Variants in DNAAF4 observed in about 807,000 individuals in gnomAD.
The protein encoded by DNAAF4 is dynein assembly factor 4, axonemal.
A neutral mutation model predicts 51.8 loss-of-function variants in DNAAF4; 43 were observed. The observed-to-expected ratio is 0.83, with a 90% CI of 0.65 to 1.07. The LOEUF (loss-of-function observed/expected upper bound fraction) is 1.07. DNAAF4 is among the 50% of genes least tolerant of loss of function. DNAAF4 has a pLI of 0.00. For synonymous variants in DNAAF4, 194 were observed against 165.6 expected (o/e 1.17, Z -1.32); for missense variants, 581 against 493.0 (o/e 1.18, Z -1.69).
At chr15:55,418,419 T>C in intron 7 of DNAAF4, 2 of 1,528,068 alleles carry the variant, frequency 1.3e-6, no homozygotes, top group Non-Finnish European at 1.8e-6. Context: ...TTTCTACCTA[T>C]TCCACAGTTT....
intron 7 of DNAAF4, among the ~76,000 whole-genome samples, chr15:55,423,291 TCGA>T (rs1435902861): frequency 6.6e-6 from 1 of 151,764 alleles, no homozygotes; most frequent in African/African-American, 2.4e-5. Flanking sequence ...AACCTCAACC[TCGA>T]CTTCCCCGGC....
chr15:55,457,092 G>A (rs1191615713), intron 5 of DNAAF4, among the ~76,000 whole-genome samples: 1 of 152,224 alleles, frequency 6.6e-6, no homozygotes, highest in Non-Finnish European at 1.5e-5. Flanking sequence ...CCAATAGTGT[G>A]GGCAGGCAGG....
chr15:55,420,616 A>T lies in DNAAF4; in HGVS notation c.1048-2483T>A, dbSNP rs6493786. ...AAATACCCCCCCAAAACTGATATTTAGTAATGGCACAAGCAAGAAGAAAAA... is the reference window on the plus strand; with the variant it reads ...AAATACCCCCCCAAAACTGATATTTTGTAATGGCACAAGCAAGAAGAAAAA... On this transcript the variant is annotated intron_variant, in intron 7 of 7. Transcript: ENST00000448430. Among the ~76,000 whole-genome samples the T allele has an allele frequency of 3.3e-5, 5 of 152,256 alleles. No individual in the cohort carries two copies. In the South Asian group the frequency reaches 8.3e-4, roughly 25 times the overall value.
chr15:55,490,980 T>C, intron 4 of DNAAF4, 143 bp downstream of exon 4: 1 of 893,468 alleles, frequency 1.1e-6, no homozygotes, highest in Admixed American at 2.7e-5. Flanking sequence ...CACATATAAA[T>C]AGCAGACAGT....
intron 7 of DNAAF4, among the ~76,000 whole-genome samples, chr15:55,438,934 GTAA>G (rs1245516273): frequency 6.6e-6 from 1 of 152,060 alleles, no homozygotes; most frequent in Non-Finnish European, 1.5e-5. Flanking sequence ...TCCAAAAGAT[GTAA>G]TTTTTTTCAT....
At chr15:55,455,312 T>C (rs2058001879) in intron 5 of DNAAF4, among the ~76,000 whole-genome samples, 1 of 147,616 alleles carries the variant, frequency 6.8e-6, no homozygotes, top group South Asian at 2.1e-4. Flanking sequence ...AAGAACAGTA[T>C]GAGGAAAGAA....
intron 1 of DNAAF4, among the ~76,000 whole-genome samples, 182 bp from the exon 2 acceptor site, chr15:55,498,766 G>C (rs888227914): frequency 6.6e-6 from 1 of 151,642 alleles, no homozygotes; most frequent in East Asian, 1.9e-4. Flanking sequence ...TTAGCCGGGC[G>C]TGGTGGTGCA....
In DNAAF4 at chr15:55,466,964, A is replaced by G; in HGVS notation, c.603T>C (p.Thr201=). 1.9e-6 allele frequency: 3 copies of G among 1,584,004 alleles called. No individual in the cohort carries two copies. Among genetic ancestry groups the G allele is most frequent in the South Asian group, 2.4e-5 (2 of 83,748 alleles). ...CAAGATTTCTAGATGCCAAATTTCTAGTAAGACTCTTATATTTTATTTTTT... is the reference window on the plus strand; with the variant it reads ...CAAGATTTCTAGATGCCAAATTTCTGGTAAGACTCTTATATTTTATTTTTT... The part of the protein sequence containing the change: ...ERKKIKYKSL[T]RNLASRNLAP... The change falls in exon 5 of 10, where the codon ACT becomes ACC. Residue 201 remains threonine (T), a synonymous_variant. Coordinates refer to ENST00000321149, the MANE Select transcript of DNAAF4 (RefSeq NM_130810.4).
chr15:55,455,557 G>A (rs2058007701), intron 5 of DNAAF4, among the ~76,000 whole-genome samples: 1 of 151,734 alleles, frequency 6.6e-6, no homozygotes, highest in Admixed American at 6.6e-5. Context: ...TCAGCCTCCT[G>A]AGTAACTGGG....
intron 4 of DNAAF4, among the ~76,000 whole-genome samples, chr15:55,481,048 C>A (rs1162580137): frequency 6.6e-6 from 1 of 152,136 alleles, no homozygotes; most frequent in African/African-American, 2.4e-5. Context: ...TCTCCTGCCA[C>A]CCTGTTAAGA....
At chr15:55,497,957 C>G in intron 2 of DNAAF4, 98 bp from the exon 3 acceptor site, 20 of 1,475,414 alleles carry the variant, frequency 1.4e-5, no homozygotes, top group Non-Finnish European at 1.8e-5. Context: ...TTCTAAAAGG[C>G]CCACTAAATT....
intron 4 of DNAAF4, among the ~76,000 whole-genome samples, chr15:55,484,051 C>G (rs2058451389): frequency 6.6e-6 from 1 of 151,866 alleles, no homozygotes; most frequent in Non-Finnish European, 1.5e-5. Context: ...TACCACTTCA[C>G]ACCCATTAGG....
At chr15:55,453,323 A>G (rs1429164391) in intron 5 of DNAAF4, among the ~76,000 whole-genome samples, 1 of 152,152 alleles carries the variant, frequency 6.6e-6, no homozygotes, top group African/African-American at 2.4e-5. Flanking sequence ...GTGGTCAGGC[A>G]AAAAAGCACA....
chr15:55,442,996 C>T (rs2057738542), intron 6 of DNAAF4: 2 of 1,611,458 alleles, frequency 1.2e-6, no homozygotes, highest in Admixed American at 1.7e-5. Context: ...GTATTCAAAG[C>T]CCAGGCCATC....
intron 6 of DNAAF4, among the ~76,000 whole-genome samples, chr15:55,440,928 A>T (rs2057701179): frequency 6.6e-6 from 1 of 151,670 alleles, no homozygotes; most frequent in African/African-American, 2.4e-5. Context: ...TGATTCACCC[A>T]CCTTGGCCTC....
Position 55,465,564 on chromosome 15 carries a change from C to CTT in DNAAF4, c.637+1364_637+1365dup, listed in dbSNP as rs76254398. ...GAAAACCAAATACCATATGTTCTCA[C>CTT]TTTTTTTTTTTTTTTTTTTGAGACA... On this transcript the variant is annotated intron_variant, in intron 5 of 9. Coordinates refer to ENST00000321149, the MANE Select transcript of DNAAF4 (RefSeq NM_130810.4). 4.6e-4 allele frequency among the ~76,000 whole-genome samples: 60 copies of CTT among 131,582 alleles called. 1 individual carries two copies. Among genetic ancestry groups the CTT allele is most frequent in the Middle Eastern group, 7.6e-3 (2 of 264 alleles). 86.3% of individuals were successfully genotyped at this position (131,582 alleles called of 152,430 possible).
At position 55,492,212 on chromosome 15, in the gene DNAAF4, A is replaced by ATTG. The variant is rs1426575745; in HGVS notation, c.272-957_272-956insCAA. 1.7e-3 allele frequency among the ~76,000 whole-genome samples: 154 copies of ATTG among 89,290 alleles called. 2 individuals carry two copies. Among genetic ancestry groups the ATTG allele is most frequent in the Admixed American group, 2.4e-3 (27 of 11,392 alleles). 58.6% of individuals were successfully genotyped at this position (89,290 alleles called of 152,430 possible). A position where few individuals can be genotyped will look rare whatever the true frequency, so the allele number is the denominator to read the frequency against. On this transcript the variant is annotated intron_variant, in intron 3 of 9. Coordinates refer to ENST00000321149, the MANE Select transcript of DNAAF4 (RefSeq NM_130810.4). ...AAAGTTTCACAAACTGAAGACTACG[A>ATTG]TCAATGGGTAAATTATCTTACAAAG... is the stretch of plus-strand genomic sequence containing the variant.
At chr15:55,430,907 A>C in intron 9 of DNAAF4, 128 bp from the exon 10 acceptor site, 1 of 691,870 alleles carries the variant, frequency 1.4e-6, no homozygotes, top group Non-Finnish European at 2.2e-6. Context: ...CCAAGTTTTA[A>C]ATTAGATTCC....
chr15:55,427,226 C>T (rs1260391938), downstream of DNAAF4, among the ~76,000 whole-genome samples: 2 of 152,056 alleles, frequency 1.3e-5, no homozygotes, highest in East Asian at 1.9e-4. Context: ...CCACCACACC[C>T]GGCTGATTTT....
Sources: gnomAD v4.1 joint callset for allele counts (sites outside exome capture counted in the v4.1 genomes callset) on GRCh38, gnomAD v4.1.1 for gene constraint, MANE v1.5 for transcripts, NCBI Gene and HGNC (gene_info 2026-07-23, HGNC 2026-07-21) for gene names.